The following STARD9 variants were observed in gnomAD, a reference collection of about 807,000 sequenced individuals.
STARD9 encodes the protein stAR-related lipid transfer protein 9.
A neutral mutation model predicts 399.8 loss-of-function variants in STARD9; 346 were observed. The ratio of observed to expected loss-of-function variants is 0.87; its 90% confidence interval spans 0.79 to 0.95. The LOEUF (loss-of-function observed/expected upper bound fraction) is 0.95. Among genes scored for constraint, STARD9 ranks in the 40% least tolerant of loss-of-function variants. The pLI is 0.00. For missense variants in STARD9, 5,832 were observed against 5,667.5 expected (o/e 1.03, Z -0.93); for synonymous variants, 2,203 against 2,143.5 (o/e 1.03, Z -0.77).
intron 3 of STARD9, among the ~76,000 whole-genome samples, chr15:42,589,213 AT>A (rs2058346343): frequency 6.6e-6 from 1 of 151,934 alleles, no homozygotes; most frequent in Admixed American, 6.6e-5. Flanking sequence ...TTTTTTAACA[AT>A]TATTTATTAT....
At chr15:42,596,222 A>G (rs2141720529) in intron 3 of STARD9, among the ~76,000 whole-genome samples, 1 of 152,324 alleles carries the variant, frequency 6.6e-6, no homozygotes, top group African/African-American at 2.4e-5. Context: ...AGTCATTTGC[A>G]GATGACCAAG....
In STARD9 at chr15:42,684,446, T is replaced by A. The variant is rs1245291402; in HGVS notation, c.2868T>A (p.Ala956=). The A allele has an allele frequency of 6.5e-7, 1 of 1,537,166 alleles. No homozygotes were observed. Among genetic ancestry groups the A allele is most frequent in the East Asian group, 2.4e-5 (1 of 40,898 alleles). The change falls in exon 23 of 33, where the codon GCT becomes GCA. Residue 956 remains alanine, a synonymous_variant. Coordinates refer to ENST00000290607, the MANE Select transcript of STARD9 (RefSeq NM_020759.3). ...GCTTAGCATCTCTGAGGAAATCAGC[T>A]AACAAACTAAAGCCAAGGCATGAGC... The part of the protein sequence containing the change: ...SQGLASLRKS[A]NKLKPRHEPK...
intron 4 of STARD9, among the ~76,000 whole-genome samples, chr15:42,637,033 C>T (rs1387230519): frequency 6.7e-6 from 1 of 150,022 alleles, no homozygotes; most frequent in Non-Finnish European, 1.5e-5. Flanking sequence ...CATTGCACTC[C>T]AGCCTGGGCA....
At chr15:42,675,049 G>A in intron 18 of STARD9, 85 bp downstream of exon 18, 4 of 1,367,360 alleles carry the variant, frequency 2.9e-6, no homozygotes, top group South Asian at 3.4e-5. Flanking sequence ...CAGTGAAGCA[G>A]GCTTTAAAAA....
chr15:42,594,902 G>A (rs112637119), intron 3 of STARD9, among the ~76,000 whole-genome samples: 4 of 152,128 alleles, frequency 2.6e-5, no homozygotes, highest in Admixed American at 1.3e-4. Flanking sequence ...GTTGTTATGC[G>A]TTCTCTAATG....
At chr15:42,667,645 A>C (rs2060128552) in intron 15 of STARD9, among the ~76,000 whole-genome samples, 1 of 150,900 alleles carries the variant, frequency 6.6e-6, no homozygotes, top group South Asian at 2.1e-4. Flanking sequence ...CGCCAGGCTA[A>C]TTTTTTGTAT....
chr15:42,594,996 T>C (rs561641369), intron 3 of STARD9, among the ~76,000 whole-genome samples: 4 of 152,318 alleles, frequency 2.6e-5, no homozygotes, highest in African/African-American at 7.2e-5. Context: ...TGATAACAAG[T>C]GATCTGTTAT....
chr15:42,614,081 G>A (rs995682768), intron 3 of STARD9, among the ~76,000 whole-genome samples: 10 of 152,154 alleles, frequency 6.6e-5, no homozygotes, highest in Admixed American at 6.5e-4. Context: ...GGAAGGCTGA[G>A]GCGGGCAGAT....
intron 26 of STARD9, among the ~76,000 whole-genome samples, chr15:42,710,085 G>T: frequency 6.9e-6 from 1 of 145,816 alleles, no homozygotes; most frequent in Non-Finnish European, 1.5e-5. Flanking sequence ...TTTGAGACAG[G>T]GTCTTGCCGT....
Position 42,692,036 on chromosome 15 carries a change from T to A in STARD9, c.10458T>A (p.Tyr3486Ter). 6.5e-7 allele frequency: 1 copy of A among 1,537,258 alleles called. No individual in the cohort carries two copies. Residue 3486 changes from tyrosine to a stop codon, truncating the protein, a stop_gained, in exon 23 of 33, where the codon TAT becomes TAA. Coordinates refer to ENST00000290607, the MANE Select transcript of STARD9 (RefSeq NM_020759.3). LOFTEE classifies it high-confidence loss of function. The part of the protein sequence containing the change: ...EEPARISWKQ[Y>*]MSGSAVDVSC... ...CTGCACGTATCAGCTGGAAGCAGTA[T>A]ATGTCTGGCAGTGCAGTCGATGTTT...
chr15:42,602,213 ATAG>A (rs2141757802), intron 3 of STARD9, among the ~76,000 whole-genome samples: 1 of 152,346 alleles, frequency 6.6e-6, no homozygotes, highest in African/African-American at 2.4e-5. Context: ...AGACATGGCA[ATAG>A]TATGCTCTGG....
In STARD9 at chr15:42,692,389, C is replaced by T. The variant is rs1245298426; in HGVS notation, c.10811C>T (p.Pro3604Leu). The T allele has an allele frequency of 2.6e-6, 4 of 1,536,946 alleles. No individual in the cohort carries two copies. The highest frequency in any genetic ancestry group is 1.4e-5 in the African/African-American group (1 of 73,132). The change falls in exon 23 of 33, where the codon CCC (proline) becomes CTC (leucine). Residue 3604 changes from proline to leucine, a missense_variant. Physicochemically the swap from Pro to Leu is moderately conservative, Grantham distance 98. Around this residue, in one of 2 missense-constraint regions of STARD9, gnomAD observed 5,828 missense variants for 5,651.1 expected, o/e 1.03. Transcript: ENST00000290607. ...SGEADCLRSK[P>L]PLAKGSAAGP... The stretch of plus-strand genomic sequence containing the variant: ...GAAGCAGACTGTCTGAGGAGTAAGC[C>T]CCCCTTGGCCAAAGGAAGTGCTGCA...
Position 42,675,928 on chromosome 15 carries a change from T to A in STARD9, c.1827T>A (p.Asp609Glu), listed in dbSNP as rs1253533240. Residue 609 changes from aspartate (D) to glutamate (E), a missense_variant, in exon 20 of 33, where the codon GAT becomes GAA. Transcript: ENST00000290607. ...TGGAGTGGCTGGATTTGGATGGAGA[T>A]CTCGCTGCCTCCCGGCTGGGTCTCT... is the stretch of plus-strand genomic sequence containing the variant. ...GSLEWLDLDG[D>E]LAASRLGLSP... 6.5e-7 allele frequency: 1 copy of A among 1,537,024 alleles called. No individual in the cohort carries two copies. The highest frequency in any genetic ancestry group is 2.4e-5 in the East Asian group (1 of 40,904).
intron 26 of STARD9, among the ~76,000 whole-genome samples, chr15:42,703,658 C>A (rs1384326454): frequency 6.6e-6 from 1 of 151,854 alleles, no homozygotes. Context: ...CAGGCGTGGG[C>A]CACCGCGCCT....
At chr15:42,655,277 G>A (rs1345079461) in intron 9 of STARD9, among the ~76,000 whole-genome samples, 2 of 152,148 alleles carry the variant, frequency 1.3e-5, no homozygotes, top group South Asian at 2.1e-4. Flanking sequence ...GTGAGACTTC[G>A]TCTCAAAAAC....
Position 42,689,124 on chromosome 15 carries a change from G to A in STARD9, c.7546G>A (p.Gly2516Arg), listed in dbSNP as rs1406024622. 2.0e-5 allele frequency: 30 copies of A among 1,537,270 alleles called. No homozygotes were observed. Among genetic ancestry groups the A allele is most frequent in the Middle Eastern group, 1.7e-4 (1 of 5,990 alleles). The stretch of plus-strand genomic sequence containing the variant: ...GGCAGAGAAGGAGACTGAGGACGTC[G>A]GACTGACCAGCGGTGTTTCCTTAGC... Reference protein sequence around the residue: ...QKAEKETEDVGLTSGVSLAPV... With the variant: ...QKAEKETEDVRLTSGVSLAPV... Residue 2516 changes from glycine (G) to arginine (R), a missense_variant, in exon 23 of 33, where the codon GGA (glycine) becomes AGA (arginine). By Grantham distance (125) the Gly-to-Arg change is moderately radical. Transcript: ENST00000290607.
At chr15:42,663,057 C>T (rs2060020942) in intron 11 of STARD9, 166 bp downstream of exon 11, 5 of 691,238 alleles carry the variant, frequency 7.2e-6, no homozygotes, top group Non-Finnish European at 1.2e-5. Context: ...AGAATGCTGT[C>T]CTACTACCAT....
intron 20 of STARD9, among the ~76,000 whole-genome samples, chr15:42,676,405 G>A (rs1004119056): frequency 5.9e-5 from 9 of 152,268 alleles, no homozygotes; most frequent in Admixed American, 2.0e-4. Context: ...CTTCCAGAAC[G>A]TATGGCTTTC....
At chr15:42,609,706 G>T (rs1301546214) in intron 3 of STARD9, among the ~76,000 whole-genome samples, 4 of 152,040 alleles carry the variant, frequency 2.6e-5, no homozygotes, top group Middle Eastern at 6.8e-3. Context: ...CCAAAGTGCT[G>T]GGATTACAGG....
Sources: gnomAD v4.1 joint callset for allele counts (sites outside exome capture counted in the v4.1 genomes callset) on GRCh38, gnomAD v4.1.1 for gene constraint, gnomAD v4.1.1 regional missense constraint, MANE v1.5 for transcripts, NCBI Gene and HGNC (gene_info 2026-07-23, HGNC 2026-07-21) for gene names.